ZC3H3: variants seen among roughly 807,000 people sequenced by gnomAD.
ZC3H3 encodes zinc finger CCCH domain-containing protein 3.
A neutral mutation model predicts 77.3 loss-of-function variants in ZC3H3; 36 were observed. That is an observed-to-expected ratio of 0.47 (90% CI 0.36 to 0.61). The LOEUF is 0.61. Among genes scored for constraint, ZC3H3 ranks in the 20% least tolerant of loss-of-function variants. The probability of loss-of-function intolerance (pLI) is 0.00; values close to 1 mark genes in which losing one functional copy is unlikely to be tolerated. For synonymous variants in ZC3H3, 626 were observed against 555.2 expected (o/e 1.13, Z -1.79); for missense variants, 1,331 against 1,312.2 (o/e 1.01, Z -0.22).
intron 3 of ZC3H3, chr8:143,523,625 T>A (rs761299294): frequency 4.7e-5 from 38 of 808,604 alleles, no homozygotes; most frequent in Admixed American, 6.2e-5. Context: ...CCTGTCCTCA[T>A]CCAGCTTGGG....
intron 3 of ZC3H3, among the ~76,000 whole-genome samples, chr8:143,519,130 G>T (rs915917268): frequency 1.6e-4 from 24 of 152,236 alleles, no homozygotes; most frequent in Non-Finnish European, 2.6e-4. Flanking sequence ...GAGGGGAGGA[G>T]AGGGGTAGCA....
intron 3 of ZC3H3, among the ~76,000 whole-genome samples, chr8:143,508,824 C>T (rs557090348): frequency 5.9e-5 from 9 of 152,076 alleles, no homozygotes; most frequent in African/African-American, 1.4e-4. Context: ...CCCCTGTGCC[C>T]GGGACCCCTG....
At chr8:143,528,694 T>C (rs1822498798) in intron 3 of ZC3H3, among the ~76,000 whole-genome samples, 1 of 152,304 alleles carries the variant, frequency 6.6e-6, no homozygotes, top group Admixed American at 6.5e-5. Flanking sequence ...CTTTTCCTCC[T>C]GGTGGGCAGC....
At chr8:143,513,136 G>A (rs949120870) in intron 3 of ZC3H3, among the ~76,000 whole-genome samples, 1 of 152,142 alleles carries the variant, frequency 6.6e-6, no homozygotes, top group Admixed American at 6.5e-5. Flanking sequence ...CTGCTGCATG[G>A]CTGGCACCAT....
chr8:143,514,067 C>A (rs745562875), intron 3 of ZC3H3, among the ~76,000 whole-genome samples: 5 of 152,206 alleles, frequency 3.3e-5, no homozygotes, highest in Non-Finnish European at 5.9e-5. Flanking sequence ...ACCCCTGGCA[C>A]TTCCACACGC....
At chr8:143,459,541 C>T (rs1045426142) in intron 9 of ZC3H3, among the ~76,000 whole-genome samples, 1 of 151,930 alleles carries the variant, frequency 6.6e-6, no homozygotes, top group African/African-American at 2.4e-5. Flanking sequence ...AAGAGCAAAA[C>T]TCTATTTCAA....
At position 143,538,714 on chromosome 8, in the gene ZC3H3, G is replaced by A; in HGVS notation, c.653C>T (p.Thr218Ile). 4 of 1,609,054 alleles carry A rather than the reference G, an allele frequency of 2.5e-6. No homozygotes were observed. The highest frequency in any genetic ancestry group is 2.2e-5 in the South Asian group (2 of 91,062). ...VGDSPREPRR[T>I]VSESVIAVKA... ...GACGGCAATCACACTCTCACTGACT[G>A]TCCGGCGGGGCTCCCGGGGGCTGTC... The change falls in exon 2 of 12, where the codon ACA becomes ATA. Residue 218 changes from threonine (T) to isoleucine (I), a missense_variant. Transcript: ENST00000262577.
chr8:143,474,945 CGT>C (rs1820687073), intron 5 of ZC3H3, among the ~76,000 whole-genome samples: 1 of 152,202 alleles, frequency 6.6e-6, no homozygotes. Context: ...CTCGCCCGGG[CGT>C]GTTTGCCGTA....
At chr8:143,495,762 C>CAT (rs1821329796) in intron 4 of ZC3H3, among the ~76,000 whole-genome samples, 1 of 139,484 alleles carries the variant, frequency 7.2e-6, no homozygotes, top group Non-Finnish European at 1.5e-5. Flanking sequence ...TCTTTTCTTT[C>CAT]TTTTTTTTTT....
At chr8:143,439,067 C>T (rs973872683) in intron 11 of ZC3H3, among the ~76,000 whole-genome samples, 4 of 152,078 alleles carry the variant, frequency 2.6e-5, no homozygotes, top group Non-Finnish European at 4.4e-5. Flanking sequence ...CCCTGCCCAC[C>T]TCCACTGGCT....
intron 9 of ZC3H3, among the ~76,000 whole-genome samples, chr8:143,447,110 A>G (rs1173621601): frequency 1.3e-5 from 2 of 152,196 alleles, no homozygotes; most frequent in African/African-American, 4.8e-5. Context: ...TGGCTTGACC[A>G]CAGCAGCTCC....
At chr8:143,497,901 A>T (rs1421638307) in intron 4 of ZC3H3, among the ~76,000 whole-genome samples, 1 of 152,208 alleles carries the variant, frequency 6.6e-6, no homozygotes, top group African/African-American at 2.4e-5. Context: ...GTGCTGTGCC[A>T]GCTGCTTCCT....
At chr8:143,476,009 G>A (rs541206968) in intron 4 of ZC3H3, among the ~76,000 whole-genome samples, 1 of 152,340 alleles carries the variant, frequency 6.6e-6, no homozygotes, top group South Asian at 2.1e-4. Flanking sequence ...TGGGGCTGCA[G>A]GGCAGAGGGG....
chr8:143,515,013 C>T (rs563048023), intron 3 of ZC3H3, among the ~76,000 whole-genome samples: 5 of 152,392 alleles, frequency 3.3e-5, no homozygotes, highest in African/African-American at 1.2e-4. Context: ...TGCAGACACA[C>T]ACCCCTCCCG....
intron 3 of ZC3H3, among the ~76,000 whole-genome samples, chr8:143,515,047 G>T (rs34668844): frequency 2.0e-5 from 3 of 152,172 alleles, no homozygotes; most frequent in African/African-American, 7.2e-5. Context: ...CTCAGGGAGC[G>T]TGCCATGCCT....
intron 4 of ZC3H3, among the ~76,000 whole-genome samples, chr8:143,505,243 T>C (rs951597102): frequency 7.9e-5 from 12 of 152,228 alleles, no homozygotes; most frequent in Non-Finnish European, 1.6e-4. Context: ...GCCTGCCTTC[T>C]TCCTCTCCAT....
intron 9 of ZC3H3, among the ~76,000 whole-genome samples, chr8:143,455,318 AAAT>A (rs1796611656): frequency 6.6e-6 from 1 of 151,990 alleles, no homozygotes; most frequent in Non-Finnish European, 1.5e-5. Flanking sequence ...CATCTCAAAA[AAAT>A]AATAATAAAA....
intron 4 of ZC3H3, among the ~76,000 whole-genome samples, chr8:143,479,427 C>G (rs565416690): frequency 5.3e-5 from 8 of 152,302 alleles, no homozygotes; most frequent in African/African-American, 1.7e-4. Context: ...TCTGCCCTCA[C>G]GGAAGGCTCT....
chr8:143,453,303 A>G (rs2129822954), intron 9 of ZC3H3, among the ~76,000 whole-genome samples: 1 of 152,060 alleles, frequency 6.6e-6, no homozygotes, highest in African/African-American at 2.4e-5. Flanking sequence ...TGACCAGGCT[A>G]ATCTCAAACT....
Sources: gnomAD v4.1 joint callset for allele counts (sites outside exome capture counted in the v4.1 genomes callset) on GRCh38, gnomAD v4.1.1 for gene constraint, MANE v1.5 for transcripts, NCBI Gene and HGNC (gene_info 2026-07-23, HGNC 2026-07-21) for gene names.